The following CTSF variants were observed in gnomAD, a reference collection of about 807,000 sequenced individuals.
CTSF encodes cathepsin F.
CTSF carries 65 observed loss-of-function variants against 63.5 expected under a neutral mutation model. The observed-to-expected ratio is 1.02, with a 90% confidence interval of 0.84 to 1.26. The LOEUF (loss-of-function observed/expected upper bound fraction) is 1.26. Ranked by LOEUF, CTSF falls within the 50% of genes most tolerant of loss-of-function variation. CTSF has a pLI of 0.00. For missense variants in CTSF, 641 were observed against 631.0 expected, an observed-to-expected ratio of 1.02 and a Z score of -0.17; for synonymous variants, 256 against 258.1, an observed-to-expected ratio of 0.99 and a Z score of 0.08.
intron 2 of CTSF, 50 bp from the exon 3 acceptor site, chr11:66,567,712 G>T: frequency 6.3e-7 from 1 of 1,578,310 alleles, no homozygotes; most frequent in South Asian, 1.2e-5. Context: ...TGGATCTGGG[G>T]AGCAAGATCT....
chr11:66,567,392 G>C (rs1463041798), intron 3 of CTSF, 52 bp downstream of exon 3: 2 of 1,612,326 alleles, frequency 1.2e-6, no homozygotes, highest in Admixed American at 1.7e-5. Flanking sequence ...AGGGTGATGA[G>C]GCAGCGGCTG....
Position 66,568,308 on chromosome 11 carries a change from G to T in CTSF, c.179C>A (p.Ala60Asp), listed in dbSNP as rs966412866. ...FNRGRAAGTR[A>D]VLGLVRGRVR... ...GCGGCCGCGCACAAGGCCCAGCACGGCCCGCGTCCCCGCAGCCCGGCCGCG... is the reference window on the plus strand; with the variant it reads ...GCGGCCGCGCACAAGGCCCAGCACGTCCCGCGTCCCCGCAGCCCGGCCGCG... Residue 60 changes from alanine (A) to aspartate (D), a missense_variant, in exon 1 of 13, where the codon GCC becomes GAC. Physicochemically the swap from Ala to Asp is moderately radical, Grantham distance 126. Coordinates refer to ENST00000310325, the MANE Select transcript of CTSF (RefSeq NM_003793.4). The T allele has an allele frequency of 7.5e-7, 1 of 1,337,640 alleles. No homozygotes were observed. The highest frequency in any genetic ancestry group is 2.1e-5 in the South Asian group (1 of 48,412). 82.9% of individuals were successfully genotyped at this position (1,337,640 alleles called of 1,614,324 possible). A position where few individuals can be genotyped will look rare whatever the true frequency, so the allele number is the denominator to read the frequency against.
intron 4 of CTSF, 116 bp downstream of exon 4, chr11:66,567,130 G>A: frequency 9.5e-7 from 1 of 1,048,624 alleles, no homozygotes; most frequent in Non-Finnish European, 1.5e-6. Flanking sequence ...AGGAATTATG[G>A]GGTCCTTGAA....
chr11:66,564,275 C>T (rs984701755), intron 11 of CTSF, 129 bp from the exon 12 acceptor site: 12 of 1,215,442 alleles, frequency 9.9e-6, no homozygotes, highest in Admixed American at 2.3e-5. Flanking sequence ...GAGCAGAAAG[C>T]GAGGGGCCCA....
intron 2 of CTSF, 28 bp from the exon 3 acceptor site, chr11:66,567,690 G>A (rs1191403834): frequency 6.2e-7 from 1 of 1,602,588 alleles, no homozygotes; most frequent in Admixed American, 1.7e-5. Flanking sequence ...AGCTGCTCTG[G>A]GGGCCTGGAT....
In CTSF at chr11:66,565,844, G is replaced by A. The variant is rs753334318; in HGVS notation, c.951C>T (p.Ser317=). 1.9e-6 allele frequency: 3 copies of A among 1,613,844 alleles called. No homozygotes were observed. In the East Asian group the frequency reaches 6.7e-5, roughly 36 times the overall value. ...CGAGATGCTCACCCTGTTCAGAGAG[G>A]GAGAGCAGGGTCCCCTGGTTGAGAA... ...QWFLNQGTLL[S]LSEQELLDCD... Residue 317 remains serine (S), a synonymous_variant, in exon 7 of 13, where the codon TCC becomes TCT. Transcript: ENST00000310325.
At position 66,566,130 on chromosome 11, in the gene CTSF, C is replaced by CAGG; in HGVS notation, c.756_758dup (p.Leu253dup). On this transcript the variant is annotated inframe_insertion, in exon 6 of 13. Transcript: ENST00000310325. ...TCATCTTGTTGCCAGGCTCTTTCCTCAGGAGAGTATTCAGGTAGATAGTGC... is the reference window on the plus strand; with the variant it reads ...TCATCTTGTTGCCAGGCTCTTTCCTCAGGAGGAGAGTATTCAGGTAGATAGTGC... The CAGG allele has an allele frequency of 6.2e-7, 1 of 1,614,132 alleles. No homozygotes were observed. Among genetic ancestry groups the CAGG allele is most frequent in the Non-Finnish European group, 8.5e-7 (1 of 1,180,006 alleles).
At chr11:66,564,462 G>A in intron 11 of CTSF, 96 bp downstream of exon 11, 1 of 1,153,168 alleles carries the variant, frequency 8.7e-7, no homozygotes, top group South Asian at 1.6e-5. Context: ...AGGGTTCCTA[G>A]GCATTCCCCC....
In CTSF at chr11:66,567,233, G is replaced by A. The variant is rs766492437; in HGVS notation, c.607+13C>T. On this transcript the variant is annotated intron_variant, in intron 4 of 12. Transcript: ENST00000310325. ...TCTGATAGGAACAGGTACAGCCAAG[G>A]CTGGGTCCTCACCTTCCTTTGACTC... is the stretch of plus-strand genomic sequence containing the variant. 4.3e-6 allele frequency: 7 copies of A among 1,614,082 alleles called. No homozygotes were observed. Among genetic ancestry groups the A allele is most frequent in the Non-Finnish European group, 5.9e-6 (7 of 1,179,918 alleles).
chr11:66,566,094 C>T lies in CTSF; in HGVS notation c.795G>A (p.Lys265=), dbSNP rs1236104074. The stretch of plus-strand genomic sequence containing the variant: ...CAGGTGGGGCGAGGTCACCCACAGA[C>T]TTGGCTTGCTTCATCTTGTTGCCAG... ...KEPGNKMKQA[K]SVGDLAPPEW... Residue 265 remains lysine, a synonymous_variant, in exon 6 of 13, where the codon AAG becomes AAA. Transcript: ENST00000310325. 4.3e-6 allele frequency: 7 copies of T among 1,614,168 alleles called. No homozygotes were observed. In the African/African-American group the frequency reaches 6.7e-5, roughly 15 times the overall value.
intron 2 of CTSF, 66 bp from the exon 3 acceptor site, chr11:66,567,728 A>C: frequency 1.9e-6 from 3 of 1,559,106 alleles, no homozygotes; most frequent in Non-Finnish European, 2.6e-6. Context: ...GATCTGGCCA[A>C]GATGGAGCTG....
intron 4 of CTSF, 47 bp downstream of exon 4, chr11:66,567,199 A>C: frequency 6.3e-7 from 1 of 1,593,248 alleles, no homozygotes; most frequent in Non-Finnish European, 8.6e-7. Flanking sequence ...GTTGGGGGGA[A>C]AGTCCTGTTC....
In CTSF at chr11:66,567,259, A is replaced by T. The variant is rs758004789; in HGVS notation, c.594T>A (p.Tyr198Ter). 1.9e-6 allele frequency: 3 copies of T among 1,614,158 alleles called. No homozygotes were observed. The highest frequency in any genetic ancestry group is 1.7e-5 in the Admixed American group (1 of 60,016). ...KNFVITYNRT[Y>*]ESKEEARWRL... ...CTGGGTCCTCACCTTCCTTTGACTC[A>T]TATGTCCGGTTATAGGTAATGACAA... The change falls in exon 4 of 13, where the codon TAT (tyrosine) becomes TAA (stop). Residue 198 changes from tyrosine to a stop codon, truncating the protein, a stop_gained. Coordinates refer to ENST00000310325, the MANE Select transcript of CTSF (RefSeq NM_003793.4). LOFTEE classifies it high-confidence loss of function.
In CTSF at chr11:66,568,520, G is replaced by A. The variant is rs1041307220; in HGVS notation, c.-34C>T. 12 of 1,482,384 alleles carry A rather than the reference G, an allele frequency of 8.1e-6. No homozygotes were observed. In the Admixed American group the frequency reaches 2.2e-4, roughly 28 times the overall value. The allele number at this position is 1,482,384 out of a possible 1,614,324, so 91.8% of individuals were successfully genotyped here. ...CGAAGCCGGCGGCCCGGACCCAACA[G>A]ACGCTCCACCGACCCACCGGGTACC... On this transcript the variant is annotated 5_prime_UTR_variant, in exon 1 of 13. Transcript: ENST00000310325.
At position 66,568,094 on chromosome 11, in the gene CTSF, AGTAG is replaced by A; in HGVS notation, c.214-16_214-13del. 1 of 1,604,544 alleles carries A rather than the reference AGTAG, an allele frequency of 6.2e-7. No homozygotes were observed. The highest frequency in any genetic ancestry group is 8.5e-7 in the Non-Finnish European group (1 of 1,176,856). The stretch of plus-strand genomic sequence containing the variant: ...GACCCCTGACCCGCCTGGAGAGAGG[AGTAG>A]GTGAGGCGGGCACAGTCGGCCCTTG... On this transcript the variant is annotated splice_polypyrimidine_tract_variant and intron_variant, in intron 1 of 12. Transcript: ENST00000310325.
chr11:66,564,762 T>C lies in CTSF; in HGVS notation c.1210A>G (p.Ile404Val), dbSNP rs1323910924. Residue 404 changes from isoleucine (I) to valine (V), a missense_variant, in exon 10 of 13, where the codon ATC (isoleucine) becomes GTC (valine). Ile to Val is a conservative substitution (Grantham distance 29, BLOSUM62 3). Coordinates refer to ENST00000310325, the MANE Select transcript of CTSF (RefSeq NM_003793.4). ...CTCACCTGCATGCCAAAGGCATTGA[T>C]GGCCACGGAGATTGGGCCTCTCTTG... ...LAKRGPISVA[I>V]NAFGMQFYRH... 2.5e-6 allele frequency: 4 copies of C among 1,613,948 alleles called. No homozygotes were observed. Among genetic ancestry groups the C allele is most frequent in the Non-Finnish European group, 3.4e-6 (4 of 1,180,024 alleles).
rs1054282223 is a variant in CTSF, at chr11:66,568,040, C to T, written c.256G>A (p.Glu86Lys). 1.2e-6 allele frequency: 2 copies of T among 1,603,116 alleles called. No homozygotes were observed. Among genetic ancestry groups the T allele is most frequent in the Non-Finnish European group, 1.7e-6 (2 of 1,175,892 alleles). The change falls in exon 2 of 13, where the codon GAG becomes AAG. Residue 86 changes from glutamate (E) to lysine (K), a missense_variant. Glu to Lys is a moderately conservative substitution (Grantham distance 56). Transcript: ENST00000310325. ...SLYSLEATLE[E>K]PPCNDPMVCR... The stretch of plus-strand genomic sequence containing the variant: ...ACCATGGGGTCGTTGCAGGGTGGCT[C>T]CTCCAGGGTGGCCTCCAGGGAGTAC...
In CTSF at chr11:66,568,468, G is replaced by T; in HGVS notation, c.19C>A (p.Leu7Ile). The T allele has an allele frequency of 2.7e-6, 4 of 1,469,930 alleles. No individual in the cohort carries two copies. Among genetic ancestry groups the T allele is most frequent in the Non-Finnish European group, 3.6e-6 (4 of 1,118,710 alleles). The allele number at this position is 1,469,930 out of a possible 1,614,324, so 91.1% of individuals were successfully genotyped here. MAPWLQLLSLLGLLPGA... is the reference protein window; with the variant it reads MAPWLQILSLLGLLPGA... ...GGGAGCAGCCCCAGCAGCGACAGGA[G>T]CTGCAGCCAGGGCGCCATGGCGAGG... The change falls in exon 1 of 13, where the codon CTC (leucine) becomes ATC (isoleucine). Residue 7 changes from leucine (L) to isoleucine (I), a missense_variant. Coordinates refer to ENST00000310325, the MANE Select transcript of CTSF (RefSeq NM_003793.4).
In CTSF at chr11:66,563,942, C is replaced by T; in HGVS notation, c.1446G>A (p.Val482=). The part of the protein sequence containing the change: ...CGVNTMASSA[V]VD ...AGCTGGGGGCCCCTCTTCAGTCCAC[C>T]ACCGCCGAGCTGGCCATGGTGTTCA... is the stretch of plus-strand genomic sequence containing the variant. The change falls in exon 13 of 13, where the codon GTG becomes GTA. Residue 482 remains valine, a synonymous_variant. Transcript: ENST00000310325. 6.2e-7 allele frequency: 1 copy of T among 1,612,820 alleles called. No individual in the cohort carries two copies. The highest frequency in any genetic ancestry group is 8.5e-7 in the Non-Finnish European group (1 of 1,180,024).
Sources: allele counts gnomAD v4.1 joint callset, GRCh38; gene constraint gnomAD v4.1.1; transcripts MANE v1.5; gene names NCBI Gene and HGNC (gene_info 2026-07-23, HGNC 2026-07-21).